The following SLC12A8 variants were observed in gnomAD, a reference collection of about 807,000 sequenced individuals.
The protein encoded by SLC12A8 is cation-chloride cotransporter 9.
Under a neutral mutation model 75.6 loss-of-function variants are expected in SLC12A8, and 69 were observed. The ratio of observed to expected loss-of-function variants is 0.91; its 90% CI spans 0.75 to 1.11. The LOEUF (loss-of-function observed/expected upper bound fraction) is 1.11, where lower values mean the gene tolerates loss of function less well. Ranked by LOEUF, SLC12A8 falls within the 50% of genes most tolerant of loss-of-function variation. SLC12A8 has a pLI of 0.00. For synonymous variants in SLC12A8, 365 were observed against 372.8 expected (o/e 0.98, Z 0.24); for missense variants, 877 against 896.7 (o/e 0.98, Z 0.28).
chr3:125,125,788 A>T, intron 6 of SLC12A8: 1 of 257,470 alleles, frequency 3.9e-6, no homozygotes, highest in Non-Finnish European at 6.1e-6. Context: ...TACATCACAT[A>T]GCCTCTCCAT....
intron 6 of SLC12A8, among the ~76,000 whole-genome samples, chr3:125,134,962 C>T (rs1416298862): frequency 1.3e-5 from 2 of 152,232 alleles, no homozygotes; most frequent in African/African-American, 2.4e-5. Context: ...CAAGCCCAGT[C>T]ACTAGCAAAT....
intron 8 of SLC12A8, among the ~76,000 whole-genome samples, chr3:125,112,033 T>C (rs1016962103): frequency 2.0e-5 from 3 of 152,208 alleles, no homozygotes; most frequent in Non-Finnish European, 4.4e-5. Flanking sequence ...AATGGCCTAG[T>C]GTAGGTCATG....
intron 5 of SLC12A8, among the ~76,000 whole-genome samples, chr3:125,175,164 G>A (rs564310232): frequency 1.3e-5 from 2 of 152,282 alleles, no homozygotes; most frequent in South Asian, 2.1e-4. Context: ...TGAAGGAAAA[G>A]TAGAAATAAG....
rs557804366 is a variant in SLC12A8, at chr3:125,212,727, G to C, written c.-73C>G. On this transcript the variant is annotated 5_prime_UTR_variant, in exon 1 of 14. Transcript: ENST00000469902. ...GCTCCTGGGACAGCCAGCTCCCAGCGCCCGGCCCGCCCGGTCCCCGCCCCG... is the reference window on the plus strand; with the variant it reads ...GCTCCTGGGACAGCCAGCTCCCAGCCCCCGGCCCGCCCGGTCCCCGCCCCG... 5.1e-3 allele frequency: 789 copies of C among 153,254 alleles called. 9 individuals carry two copies. The highest frequency in any genetic ancestry group is 0.018 in the African/African-American group (757 of 41,520). 9.5% of individuals were successfully genotyped at this position (153,254 alleles called of 1,614,324 possible). A position where few individuals can be genotyped will look rare whatever the true frequency, so the allele number is the denominator to read the frequency against.
chr3:125,107,792 A>T lies in SLC12A8; in HGVS notation c.1394T>A (p.Leu465His), dbSNP rs764331675. ...CTCAAGCTTCCTGGTTAGCTGGAGG[A>T]GCTGATCCATGTCCTTGGTGAATTC... Reference protein sequence around the residue: ...LLEFTKDMDQLLQLTRKLESS... With the variant: ...LLEFTKDMDQHLQLTRKLESS... The change falls in exon 10 of 14, where the codon CTC (leucine) becomes CAC (histidine). Residue 465 changes from leucine (L) to histidine (H), a missense_variant. Coordinates refer to ENST00000469902, the MANE Select transcript of SLC12A8 (RefSeq NM_024628.6). 2.5e-6 allele frequency: 4 copies of T among 1,613,734 alleles called. No individual in the cohort carries two copies. Among genetic ancestry groups the T allele is most frequent in the Admixed American group, 3.3e-5 (2 of 59,960 alleles).
rs552867407 is a variant in SLC12A8 at position 125,127,265 on chromosome 3, C to T, written c.737-6579G>A. Among the ~76,000 whole-genome samples the T allele has an allele frequency of 1.7e-3, 259 of 152,322 alleles. 7 individuals are homozygous for T. The highest frequency in any genetic ancestry group is 4.1e-3 in the South Asian group (20 of 4,828). On this transcript the variant is annotated intron_variant, in intron 6 of 13. Coordinates refer to ENST00000469902, the MANE Select transcript of SLC12A8 (RefSeq NM_024628.6). ...GTCTTGCTCTGTTCTTGGAGCAAAACTTGTGAGTTTCCCTCCCTCTCAATG... is the reference window on the plus strand; with the variant it reads ...GTCTTGCTCTGTTCTTGGAGCAAAATTTGTGAGTTTCCCTCCCTCTCAATG...
intron 2 of SLC12A8, among the ~76,000 whole-genome samples, chr3:125,208,841 C>T (rs1935283367): frequency 7.0e-6 from 1 of 142,372 alleles, no homozygotes; most frequent in Non-Finnish European, 1.5e-5. Flanking sequence ...CTATCTGGTC[C>T]TAAAATGATT....
rs758726649 is a variant in SLC12A8 at position 125,107,576 on chromosome 3, T to C, written c.1610A>G (p.Lys537Arg). The C allele has an allele frequency of 6.2e-7, 1 of 1,614,166 alleles. No individual in the cohort carries two copies. The highest frequency in any genetic ancestry group is 1.7e-5 in the Admixed American group (1 of 60,024). The change falls in exon 10 of 14, where the codon AAG becomes AGG. Residue 537 changes from lysine to arginine, a missense_variant. By Grantham distance (26) the Lys-to-Arg change is conservative (BLOSUM62 2). Transcript: ENST00000469902. ...SWEGQESCWNKQTSKSEGTQP... is the reference protein window; with the variant it reads ...SWEGQESCWNRQTSKSEGTQP... Reference sequence around the variant, plus strand: ...AGTCCCTTCGCTCTTGGAAGTCTGCTTGTTCCAGCAGGACTCCTGCCCCTC... The same window carrying C: ...AGTCCCTTCGCTCTTGGAAGTCTGCCTGTTCCAGCAGGACTCCTGCCCCTC...
intron 10 of SLC12A8, among the ~76,000 whole-genome samples, chr3:125,096,160 C>T (rs892808642): frequency 2.0e-5 from 3 of 152,202 alleles, no homozygotes; most frequent in Admixed American, 2.0e-4. Flanking sequence ...GCCAGGTCCT[C>T]TACCTGGAAC....
rs985612838 is a variant in SLC12A8 at position 125,092,128 on chromosome 3, C to T, written c.1776G>A (p.Met592Ile). The T allele has an allele frequency of 3.1e-6, 5 of 1,612,924 alleles. No homozygotes were observed. The East Asian group carries it at 8.9e-5, about 29-fold the overall frequency. The part of the protein sequence containing the change: ...WRRSTSFYTH[M>I]CNPWVSLLGA... ...CCAACAGGGAGACCCAGGGGTTGCA[C>T]ATGTGGGTATAGAAAGAAGTGGATC... Residue 592 changes from methionine (M) to isoleucine (I), a missense_variant, in exon 11 of 14, where the codon ATG (methionine) becomes ATA (isoleucine). Transcript: ENST00000469902.
intron 12 of SLC12A8, among the ~76,000 whole-genome samples, 193 bp downstream of exon 12, chr3:125,091,245 AT>A (rs1323839375): frequency 6.6e-6 from 1 of 152,144 alleles, no homozygotes; most frequent in African/African-American, 2.4e-5. Flanking sequence ...TATAAACCTC[AT>A]TTTTAAGTTA....
chr3:125,145,096 C>G (rs961851778), intron 5 of SLC12A8, among the ~76,000 whole-genome samples: 1 of 152,208 alleles, frequency 6.6e-6, no homozygotes. Flanking sequence ...TCTTTAGCCT[C>G]AAATCCATTT....
chr3:125,091,515 C>T lies in SLC12A8; in HGVS notation c.1845G>A (p.Val615=), dbSNP rs137959218. Residue 615 remains valine, a synonymous_variant, in exon 12 of 14, where the codon GTG becomes GTA. Coordinates refer to ENST00000469902, the MANE Select transcript of SLC12A8 (RefSeq NM_024628.6). Reference sequence around the variant, plus strand: ...CAACACCCATGTTAACCAGGGTATACACCCACTGTATCACAAACATGATGA... The same window carrying T: ...CAACACCCATGTTAACCAGGGTATATACCCACTGTATCACAAACATGATGA... ...SLLIMFVIQW[V]YTLVNMGVAA... is the part of the protein sequence containing the mutation. 1.3e-4 allele frequency: 207 copies of T among 1,613,978 alleles called. 1 individual carries two copies. The East Asian group carries it at 4.4e-3, about 34-fold the overall frequency.
intron 5 of SLC12A8, among the ~76,000 whole-genome samples, chr3:125,142,823 T>C (rs1933681544): frequency 6.6e-6 from 1 of 152,152 alleles, no homozygotes; most frequent in Non-Finnish European, 1.5e-5. Flanking sequence ...AAGCCCACTC[T>C]CAGGCCTCTC....
intron 2 of SLC12A8, among the ~76,000 whole-genome samples, chr3:125,208,062 C>T (rs1935258976): frequency 6.6e-6 from 1 of 152,202 alleles, no homozygotes; most frequent in Non-Finnish European, 1.5e-5. Context: ...TATCCAGCAG[C>T]ACAGTCAGAA....
At chr3:125,091,160 AAACTT>A in intron 12 of SLC12A8, among the ~76,000 whole-genome samples, 1 of 152,234 alleles carries the variant, frequency 6.6e-6, no homozygotes, top group African/African-American at 2.4e-5. Flanking sequence ...AAAGTATAAG[AAACTT>A]ACAACAGTAT....
At chr3:125,088,455 C>T (rs1187758320) in intron 12 of SLC12A8, 85 bp from the exon 13 acceptor site, 11 of 1,031,146 alleles carry the variant, frequency 1.1e-5, no homozygotes, top group Non-Finnish European at 1.4e-5. Flanking sequence ...TGAATGCAAA[C>T]CCCAATACAC....
In SLC12A8 at chr3:125,115,536, CA is replaced by C. The variant is rs568621747; in HGVS notation, c.912+3232del. ...AAAACTCCATCTCAAGAAAAACAAA[CA>C]AAAAAAAAAAGTAAAAAGACGCTTC... On this transcript the variant is annotated intron_variant, in intron 8 of 13. Coordinates refer to ENST00000469902, the MANE Select transcript of SLC12A8 (RefSeq NM_024628.6). 5.9e-3 allele frequency among the ~76,000 whole-genome samples: 809 copies of C among 136,304 alleles called. 3 individuals carry two copies. The highest frequency in any genetic ancestry group is 0.011 in the Middle Eastern group (3 of 274). The allele number at this position is 136,304 out of a possible 152,430, so 89.4% of individuals were successfully genotyped here.
intron 5 of SLC12A8, among the ~76,000 whole-genome samples, chr3:125,145,289 G>C (rs1483213961): frequency 5.3e-5 from 8 of 152,160 alleles, no homozygotes; most frequent in Admixed American, 2.0e-4. Context: ...TGAGCCAGGT[G>C]GGGGCAGGCA....
Sources: allele counts gnomAD v4.1 joint callset (sites outside exome capture counted in the v4.1 genomes callset), GRCh38; gene constraint gnomAD v4.1.1; transcripts MANE v1.5; gene names NCBI Gene and HGNC (gene_info 2026-07-23, HGNC 2026-07-21).